The following CTIF variants were observed in gnomAD, a reference collection of about 807,000 sequenced individuals.
The protein encoded by CTIF is CBP80/20-dependent translation initiation factor.
In CTIF, 21 loss-of-function variants were observed where a neutral mutation model predicts 66.0. That is an observed-to-expected ratio of 0.32 (90% CI 0.23 to 0.46). CTIF has a LOEUF of 0.46. Among genes scored for constraint, CTIF ranks in the 20% least tolerant of loss-of-function variants. CTIF has a pLI of 1.00. For synonymous variants in CTIF, 345 were observed against 326.4 expected (o/e 1.06, Z -0.62); for missense variants, 739 against 812.7 (o/e 0.91, Z 1.10).
chr18:48,721,344 C>T (rs547146495), intron 7 of CTIF, among the ~76,000 whole-genome samples: 2 of 152,328 alleles, frequency 1.3e-5, no homozygotes, highest in South Asian at 2.1e-4. Flanking sequence ...GTAGAATGGA[C>T]GCCTTGGGAA....
chr18:48,772,806 A>ATATCTGTTT (rs1555690454), intron 9 of CTIF, among the ~76,000 whole-genome samples: 6 of 152,232 alleles, frequency 3.9e-5, no homozygotes, highest in Non-Finnish European at 1.5e-5. Flanking sequence ...GCATGCACAA[A>ATATCTGTTT]TATCTGTTTG....
intron 10 of CTIF, among the ~76,000 whole-genome samples, chr18:48,849,906 G>A (rs1387134012): frequency 6.6e-6 from 1 of 152,094 alleles, no homozygotes; most frequent in East Asian, 1.9e-4. Context: ...TTTTAAGGGT[G>A]CACTTCTTTG....
At chr18:48,794,125 C>T (rs2067855797) in intron 9 of CTIF, among the ~76,000 whole-genome samples, 1 of 152,172 alleles carries the variant, frequency 6.6e-6, no homozygotes, top group South Asian at 2.1e-4. Flanking sequence ...CAAAGCAATG[C>T]CCCAGGGCCA....
At chr18:48,590,315 C>T (rs371299283) in intron 1 of CTIF, among the ~76,000 whole-genome samples, 9 of 151,998 alleles carry the variant, frequency 5.9e-5, no homozygotes, top group South Asian at 2.1e-4. Flanking sequence ...TGCTGTGCAG[C>T]GCAGCTGGTG....
At position 48,633,972 on chromosome 18, in the gene CTIF, T is replaced by A. The variant is rs139886918; in HGVS notation, c.181-2642T>A. ...GGTACAATGCTCTTAACTAGAGGCT[T>A]TATTCAGATTTCACCAGTTGTTCCA... On this transcript the variant is annotated intron_variant, in intron 2 of 11. Coordinates refer to ENST00000256413, the MANE Select transcript of CTIF (RefSeq NM_014772.3). Among the ~76,000 whole-genome samples, 442 of 152,298 alleles carry A rather than the reference T, an allele frequency of 2.9e-3. 1 individual carries two copies. The highest frequency in any genetic ancestry group is 4.5e-3 in the Non-Finnish European group (305 of 68,018).
At chr18:48,651,123 G>C (rs979482023) in intron 3 of CTIF, among the ~76,000 whole-genome samples, 4 of 152,132 alleles carry the variant, frequency 2.6e-5, no homozygotes, top group Non-Finnish European at 5.9e-5. Context: ...CATAATGACA[G>C]GATCAAATTC....
chr18:48,709,356 C>T (rs2092197795), intron 6 of CTIF, among the ~76,000 whole-genome samples: 2 of 152,232 alleles, frequency 1.3e-5, no homozygotes, highest in Admixed American at 1.3e-4. Flanking sequence ...CCCGAGTGGC[C>T]CGGTATGCCC....
intron 10 of CTIF, among the ~76,000 whole-genome samples, chr18:48,843,912 C>T (rs1419204147): frequency 6.6e-6 from 1 of 152,216 alleles, no homozygotes; most frequent in Non-Finnish European, 1.5e-5. Context: ...TTCCCTGTGC[C>T]TCAGTTTCTG....
intron 10 of CTIF, among the ~76,000 whole-genome samples, chr18:48,820,736 G>A (rs112614951): frequency 5.8e-4 from 89 of 152,268 alleles, no homozygotes; most frequent in Admixed American, 8.5e-4. Flanking sequence ...CTGTACCCCC[G>A]GGGCTCCCCT....
At chr18:48,835,716 G>A (rs375508305) in intron 10 of CTIF, among the ~76,000 whole-genome samples, 22 of 152,278 alleles carry the variant, frequency 1.4e-4, no homozygotes, top group Admixed American at 2.6e-4. Flanking sequence ...CCCCTCTGGC[G>A]TGGTCCATAA....
intron 10 of CTIF, among the ~76,000 whole-genome samples, chr18:48,855,826 A>T (rs1055509092): frequency 2.0e-5 from 3 of 152,172 alleles, no homozygotes; most frequent in Non-Finnish European, 4.4e-5. Flanking sequence ...CTTCTTGGTT[A>T]TGGATGGTAA....
chr18:48,741,858 G>A (rs1022822367), intron 7 of CTIF, among the ~76,000 whole-genome samples: 2 of 152,142 alleles, frequency 1.3e-5, no homozygotes, highest in African/African-American at 4.8e-5. Flanking sequence ...GCACAAGAAG[G>A]GAGCACAGGG....
chr18:48,846,291 G>A (rs577380919), intron 10 of CTIF, among the ~76,000 whole-genome samples: 19 of 152,238 alleles, frequency 1.2e-4, no homozygotes, highest in South Asian at 2.1e-4. Context: ...CTCCACCACC[G>A]CTATTCCTTC....
intron 1 of CTIF, among the ~76,000 whole-genome samples, chr18:48,542,013 T>C (rs2088633491): frequency 6.6e-6 from 1 of 152,168 alleles, no homozygotes; most frequent in Admixed American, 6.5e-5. Flanking sequence ...ATTTAATTAA[T>C]AGTGGCCACT....
chr18:48,825,331 C>T (rs867473573), intron 10 of CTIF, among the ~76,000 whole-genome samples: 1 of 152,210 alleles, frequency 6.6e-6, no homozygotes, highest in Admixed American at 6.5e-5. Context: ...TGAGGGGTGC[C>T]CCCAAGGGAC....
chr18:48,785,245 A>G (rs56067472), intron 9 of CTIF, among the ~76,000 whole-genome samples: 10,497 of 152,138 alleles, frequency 0.069, 468 homozygotes, highest in Non-Finnish European at 0.1. Flanking sequence ...ACCACAGTCT[A>G]TTGACGTTTC....
intron 1 of CTIF, among the ~76,000 whole-genome samples, chr18:48,578,330 T>C (rs939144209): frequency 1.3e-5 from 2 of 152,228 alleles, no homozygotes; most frequent in Non-Finnish European, 2.9e-5. Context: ...CTAATTCTCT[T>C]GGGTATATAC....
chr18:48,691,072 T>C (rs780638027), intron 6 of CTIF, among the ~76,000 whole-genome samples: 1 of 152,174 alleles, frequency 6.6e-6, no homozygotes, highest in Non-Finnish European at 1.5e-5. Context: ...TCGGTATTTT[T>C]ATAAAGGGAA....
chr18:48,555,619 C>T (rs952464425), intron 1 of CTIF, among the ~76,000 whole-genome samples: 1 of 152,222 alleles, frequency 6.6e-6, no homozygotes, highest in Non-Finnish European at 1.5e-5. Context: ...TGCCACCTCC[C>T]CCTGGGCCTG....
Sources: gnomAD v4.1 joint callset for allele counts (sites outside exome capture counted in the v4.1 genomes callset) on GRCh38, gnomAD v4.1.1 for gene constraint, MANE v1.5 for transcripts, NCBI Gene and HGNC (gene_info 2026-07-23, HGNC 2026-07-21) for gene names.